Variants in TSPAN5 observed in about 807,000 individuals in gnomAD.
TSPAN5 encodes tetraspanin-5.
Under a neutral mutation model 37.1 loss-of-function variants are expected in TSPAN5, and 10 were observed. The ratio of observed to expected loss-of-function variants is 0.27; its 90% CI spans 0.17 to 0.46. The LOEUF is 0.46. Among genes scored for constraint, TSPAN5 ranks in the 20% least tolerant of loss-of-function variants. The pLI is 1.00. For missense variants in TSPAN5, 195 were observed against 326.6 expected (o/e 0.60, Z 3.11); for synonymous variants, 110 against 118.9 (o/e 0.93, Z 0.48).
intron 1 of TSPAN5, among the ~76,000 whole-genome samples, chr4:98,588,848 T>A (rs1285642729): frequency 2.0e-5 from 3 of 152,238 alleles, no homozygotes; most frequent in Non-Finnish European, 4.4e-5. Flanking sequence ...TTTAATAACA[T>A]CTTACGTTTG....
chr4:98,501,808 C>A (rs1753357489), intron 2 of TSPAN5, among the ~76,000 whole-genome samples: 1 of 152,126 alleles, frequency 6.6e-6, no homozygotes, highest in African/African-American at 2.4e-5. Flanking sequence ...CACTGGAGGG[C>A]TAGAAGCAGA....
intron 1 of TSPAN5, among the ~76,000 whole-genome samples, chr4:98,534,485 A>G (rs1249271658): frequency 6.6e-6 from 1 of 152,196 alleles, no homozygotes; most frequent in Non-Finnish European, 1.5e-5. Flanking sequence ...AGAAGAATGT[A>G]TATTCTGTTG....
intron 1 of TSPAN5, among the ~76,000 whole-genome samples, chr4:98,573,963 C>A: frequency 6.6e-6 from 1 of 152,146 alleles, no homozygotes; most frequent in East Asian, 1.9e-4. Context: ...GAGGGCATTA[C>A]AAAATTAATC....
intron 1 of TSPAN5, among the ~76,000 whole-genome samples, chr4:98,635,688 C>A (rs954362382): frequency 1.3e-5 from 2 of 152,192 alleles, no homozygotes; most frequent in Non-Finnish European, 2.9e-5. Context: ...TGCCCAGAGC[C>A]ATTCAAACTG....
At chr4:98,641,859 G>A (rs1756967090) in intron 1 of TSPAN5, among the ~76,000 whole-genome samples, 2 of 152,192 alleles carry the variant, frequency 1.3e-5, no homozygotes, top group Non-Finnish European at 2.9e-5. Flanking sequence ...GCTCCCAGAA[G>A]AGAAGCTCTG....
chr4:98,523,709 G>A (rs1398960056), intron 1 of TSPAN5, among the ~76,000 whole-genome samples: 1 of 152,200 alleles, frequency 6.6e-6, no homozygotes, highest in Non-Finnish European at 1.5e-5. Context: ...AAAGTGCTGG[G>A]ATTACAGGCA....
chr4:98,472,288 A>G lies in TSPAN5; in HGVS notation c.*234T>C. Reference sequence around the variant, plus strand: ...TAAGCATCTAACTGTCCATAAATTCATGGCTACAGTAGAGATTCACGGCGC... The same window carrying G: ...TAAGCATCTAACTGTCCATAAATTCGTGGCTACAGTAGAGATTCACGGCGC... On this transcript the variant is annotated 3_prime_UTR_variant, in exon 8 of 8. Coordinates refer to ENST00000305798, the MANE Select transcript of TSPAN5 (RefSeq NM_005723.4). 2.5e-6 allele frequency: 1 copy of G among 404,906 alleles called. No individual in the cohort carries two copies. The highest frequency in any genetic ancestry group is 4.4e-5 in the Admixed American group (1 of 22,960). The allele number at this position is 404,906 out of a possible 1,614,324, so 25.1% of individuals were successfully genotyped here. A position where few individuals can be genotyped will look rare whatever the true frequency, so the allele number is the denominator to read the frequency against.
rs56142906 is a variant in TSPAN5 at position 98,513,861 on chromosome 4, A to AATAGATAGATAG, written c.82-6145_82-6134dup. Among the ~76,000 whole-genome samples, 888 of 149,662 alleles carry AATAGATAGATAG rather than the reference A, an allele frequency of 5.9e-3. 4 individuals are homozygous for AATAGATAGATAG. The highest frequency in any genetic ancestry group is 0.01 in the Middle Eastern group (3 of 292). ...CTGCTACTTTTATTCATAAAAAGCA[A>AATAGATAGATAG]ATAGATAGATAGATAGATAGATAGA... On this transcript the variant is annotated intron_variant, in intron 1 of 7. Coordinates refer to ENST00000305798, the MANE Select transcript of TSPAN5 (RefSeq NM_005723.4).
chr4:98,568,712 T>G (rs919569535), intron 1 of TSPAN5, among the ~76,000 whole-genome samples: 1 of 152,158 alleles, frequency 6.6e-6, no homozygotes, highest in African/African-American at 2.4e-5. Flanking sequence ...ATATAAAGGC[T>G]TTGAAATAAA....
rs187701266 is a variant in TSPAN5 at position 98,547,772 on chromosome 4, C to T, written c.82-40044G>A. 1.2e-3 allele frequency among the ~76,000 whole-genome samples: 184 copies of T among 152,026 alleles called. 3 individuals are homozygous for T. The highest frequency in any genetic ancestry group is 0.011 in the Admixed American group (164 of 15,260). ...CTGTAATCCCAGCACTTTGGGAAGC[C>T]GAGGTAGACGGATCACTTGAGTCCA... On this transcript the variant is annotated intron_variant, in intron 1 of 7. Coordinates refer to ENST00000305798, the MANE Select transcript of TSPAN5 (RefSeq NM_005723.4).
intron 1 of TSPAN5, among the ~76,000 whole-genome samples, chr4:98,521,747 ATATTAATAGC>A (rs1281170824): frequency 3.9e-5 from 6 of 152,214 alleles, no homozygotes; most frequent in Admixed American, 3.9e-4. Context: ...GGCTGCTGAG[ATATTAATAGC>A]TATTTTTAAA....
intron 1 of TSPAN5, among the ~76,000 whole-genome samples, chr4:98,592,990 C>T (rs1184121840): frequency 5.5e-5 from 5 of 90,590 alleles, no homozygotes; most frequent in East Asian, 3.7e-4. Flanking sequence ...ATTTCTAGTT[C>T]TAGATCCCTG....
chr4:98,519,262 G>A (rs1382048410), intron 1 of TSPAN5, among the ~76,000 whole-genome samples: 1 of 152,134 alleles, frequency 6.6e-6, no homozygotes, highest in East Asian at 1.9e-4. Flanking sequence ...AGGCCAATGT[G>A]GGAGGATTGC....
intron 2 of TSPAN5, among the ~76,000 whole-genome samples, chr4:98,490,201 A>T (rs1167623921): frequency 6.6e-6 from 1 of 152,212 alleles, no homozygotes; most frequent in Non-Finnish European, 1.5e-5. Flanking sequence ...TTGTACATAA[A>T]GAGCTCAGTG....
At chr4:98,643,387 CCT>C (rs1371959816) in intron 1 of TSPAN5, among the ~76,000 whole-genome samples, 1 of 152,054 alleles carries the variant, frequency 6.6e-6, no homozygotes, top group Non-Finnish European at 1.5e-5. Flanking sequence ...AGAACATACC[CCT>C]GTTGTTAAGC....
At chr4:98,615,590 G>A (rs1756307825) in intron 1 of TSPAN5, among the ~76,000 whole-genome samples, 1 of 152,194 alleles carries the variant, frequency 6.6e-6, no homozygotes, top group South Asian at 2.1e-4. Flanking sequence ...GGAGGCCAAG[G>A]CAGGCAGATC....
At chr4:98,556,631 C>A (rs868324308) in intron 1 of TSPAN5, among the ~76,000 whole-genome samples, 1 of 152,160 alleles carries the variant, frequency 6.6e-6, no homozygotes, top group Non-Finnish European at 1.5e-5. Flanking sequence ...ACTACTTATT[C>A]ATTCATTTTC....
chr4:98,600,967 C>T (rs763252411), intron 1 of TSPAN5, among the ~76,000 whole-genome samples: 1 of 152,180 alleles, frequency 6.6e-6, no homozygotes, highest in Non-Finnish European at 1.5e-5. Flanking sequence ...GTTTTGTTAG[C>T]AAGCATGAAA....
At chr4:98,650,762 T>C (rs1757170035) in intron 1 of TSPAN5, among the ~76,000 whole-genome samples, 1 of 152,216 alleles carries the variant, frequency 6.6e-6, no homozygotes, top group Non-Finnish European at 1.5e-5. Context: ...AAATGTCTGA[T>C]ACAAAAGATG....
Sources: gnomAD v4.1 joint callset for allele counts (sites outside exome capture counted in the v4.1 genomes callset) on GRCh38, gnomAD v4.1.1 for gene constraint, MANE v1.5 for transcripts, NCBI Gene and HGNC (gene_info 2026-07-23, HGNC 2026-07-21) for gene names.